The following FNDC1 variants were observed in gnomAD, a reference collection of about 807,000 sequenced individuals.
The protein encoded by FNDC1 is fibronectin type III domain-containing protein 1.
In FNDC1, 96 loss-of-function variants were observed where a neutral mutation model predicts 168.0. The observed-to-expected ratio is 0.57, with a 90% CI of 0.48 to 0.68. FNDC1 has a LOEUF of 0.68. Ranked by LOEUF, FNDC1 falls within the 30% of genes least tolerant of loss-of-function variation. The pLI is 0.00. For synonymous variants in FNDC1, 1,099 were observed against 1,025.9 expected (o/e 1.07, Z -1.36); for missense variants, 2,587 against 2,482.1 (o/e 1.04, Z -0.90).
At chr6:159,269,334 T>C (rs1450137493) in intron 22 of FNDC1, among the ~76,000 whole-genome samples, 1 of 103,362 alleles carries the variant, frequency 9.7e-6, no homozygotes, top group African/African-American at 2.8e-5. Context: ...ACTATCTATC[T>C]ATCTATCTAT....
In FNDC1 at chr6:159,232,157, C is replaced by T. The variant is rs760115838; in HGVS notation, c.1645C>T (p.Arg549Trp). The change falls in exon 11 of 23, where the codon CGG (arginine) becomes TGG (tryptophan). Residue 549 changes from arginine (R) to tryptophan (W), a missense_variant. Transcript: ENST00000297267. This position sits in a 1 kb window ranked among gnomAD's most constrained non-coding sequence, Gnocchi z 4.9. ...CACTGGGGAGGAGGAGCTGGGTTCC[C>T]GGGAGGACTCGCCCATGTCACCCTC... ...EITGEEELGS[R>W]EDSPMSPSDT... is the part of the protein sequence containing the mutation. The T allele has an allele frequency of 5.6e-6, 9 of 1,613,742 alleles. No homozygotes were observed. Among genetic ancestry groups the T allele is most frequent in the East Asian group, 2.2e-5 (1 of 44,876 alleles).
At chr6:159,197,650 C>G (rs1246832000) in intron 2 of FNDC1, 25 bp downstream of exon 2, 1 of 1,584,108 alleles carries the variant, frequency 6.3e-7, no homozygotes, top group East Asian at 2.3e-5. Flanking sequence ...GATCTTGTTC[C>G]CAGTCAGAAT....
chr6:159,208,998 C>A (rs1196684486), intron 4 of FNDC1, among the ~76,000 whole-genome samples: 3 of 151,994 alleles, frequency 2.0e-5, no homozygotes, highest in Middle Eastern at 6.3e-3. Flanking sequence ...CAGGTGCATG[C>A]CACCACGCCC....
In FNDC1 at chr6:159,239,782, G is replaced by T; in HGVS notation, c.4446G>T (p.Thr1482=). Residue 1482 remains threonine, a synonymous_variant, in exon 14 of 23, where the codon ACG becomes ACT. Coordinates refer to ENST00000297267, the MANE Select transcript of FNDC1 (RefSeq NM_032532.3). ...TTRRTTTTRR[T]TTRRPTTTVR... is the part of the protein sequence containing the mutation. ...GCCGCACGACCACCACCCGCCGCAC[G>T]ACCACCAGGCGTCCAACAACCACAG... 4 of 1,458,498 alleles carry T rather than the reference G, an allele frequency of 2.7e-6. No individual in the cohort carries two copies. The highest frequency in any genetic ancestry group is 3.6e-6 in the Non-Finnish European group (4 of 1,101,796). 90.3% of individuals were successfully genotyped at this position (1,458,498 alleles called of 1,614,324 possible).
chr6:159,201,459 T>C (rs529784221), intron 4 of FNDC1, among the ~76,000 whole-genome samples: 4 of 152,350 alleles, frequency 2.6e-5, no homozygotes, highest in East Asian at 1.9e-4. Flanking sequence ...CTAAGTGTTC[T>C]TGTTTGAATG....
At chr6:159,240,684 T>G (rs1405991033) in intron 14 of FNDC1, 1 of 152,256 alleles carries the variant, frequency 6.6e-6, no homozygotes, top group Non-Finnish European at 1.5e-5. Context: ...TTGTTCTCCC[T>G]GAAGAGCAGG....
rs1001384189 is a variant in FNDC1, at chr6:159,253,181, G to A, written c.5065+1649G>A. ...CTCACGACACTAGCATAAATAATAT[G>A]GATGAGGTGTTTATAAGGCACTCCC... On this transcript the variant is annotated intron_variant, in intron 17 of 22. Transcript: ENST00000297267. Among the ~76,000 whole-genome samples the A allele has an allele frequency of 2.6e-5, 4 of 152,268 alleles. No homozygotes were observed. The South Asian group carries it at 6.2e-4, about 24-fold the overall frequency.
chr6:159,234,165 GCCT>G lies in FNDC1; in HGVS notation c.3655_3657del (p.Leu1219del). 1 of 1,598,622 alleles carries G rather than the reference GCCT, an allele frequency of 6.3e-7. No individual in the cohort carries two copies. The highest frequency in any genetic ancestry group is 8.5e-7 in the Non-Finnish European group (1 of 1,173,196). On this transcript the variant is annotated inframe_deletion, in exon 11 of 23. Coordinates refer to ENST00000297267, the MANE Select transcript of FNDC1 (RefSeq NM_032532.3). ...AGGGGCGGCAAAGACGCCGATGGGA[GCCT>G]CGCCAAGGAAGAGAGGGAGCCTGCC...
chr6:159,227,640 C>CT (rs1209585889), intron 9 of FNDC1, among the ~76,000 whole-genome samples: 29 of 118,098 alleles, frequency 2.5e-4, no homozygotes, highest in African/African-American at 1.2e-3. Context: ...TACTATTCTT[C>CT]TTTCTCTTTT....
At position 159,233,813 on chromosome 6, in the gene FNDC1, A is replaced by G. The variant is rs1322888539; in HGVS notation, c.3301A>G (p.Lys1101Glu). ...GGCCCCCGCGCACGCCGCGCGCGCC[A>G]AGGAGGCAGCTGCGTCCCTTCCCAA... is the stretch of plus-strand genomic sequence containing the variant. Reference protein sequence around the residue: ...VRAPAHAARAKEAAASLPKHQ... With the variant: ...VRAPAHAARAEEAAASLPKHQ... Residue 1101 changes from lysine (K) to glutamate (E), a missense_variant, in exon 11 of 23, where the codon AAG becomes GAG. By Grantham distance (56) the Lys-to-Glu change is moderately conservative (BLOSUM62 1). Coordinates refer to ENST00000297267, the MANE Select transcript of FNDC1 (RefSeq NM_032532.3). This position sits in a 1 kb window ranked among gnomAD's most constrained non-coding sequence, Gnocchi z 4.6. 6.5e-7 allele frequency: 1 copy of G among 1,539,278 alleles called. No individual in the cohort carries two copies. The highest frequency in any genetic ancestry group is 8.8e-7 in the Non-Finnish European group (1 of 1,142,052).
chr6:159,259,132 C>A (rs1017189863), intron 18 of FNDC1, among the ~76,000 whole-genome samples: 1 of 152,096 alleles, frequency 6.6e-6, no homozygotes, highest in Non-Finnish European at 1.5e-5. Flanking sequence ...TATAAGAAGG[C>A]GAGGCATGGA....
rs1310435800 is a variant in FNDC1 at position 159,169,637 on chromosome 6, G to C, written c.41G>C (p.Arg14Pro). ...EAGATLRAPRRLSWAALLLLA... is the reference protein window; with the variant it reads ...EAGATLRAPRPLSWAALLLLA... The stretch of plus-strand genomic sequence containing the variant: ...GGGGCGACCCTGCGCGCGCCGCGCC[G>C]GCTGTCCTGGGCGGCGCTGCTGCTC... Residue 14 changes from arginine to proline, a missense_variant, in exon 1 of 23, where the codon CGG becomes CCG. Coordinates refer to ENST00000297267, the MANE Select transcript of FNDC1 (RefSeq NM_032532.3). This position sits in a 1 kb window ranked among gnomAD's most constrained non-coding sequence, Gnocchi z 6.8. The C allele has an allele frequency of 5.2e-6, 6 of 1,148,030 alleles. No individual in the cohort carries two copies. The highest frequency in any genetic ancestry group is 6.4e-6 in the Non-Finnish European group (6 of 935,202). 71.1% of individuals were successfully genotyped at this position (1,148,030 alleles called of 1,614,324 possible).
chr6:159,186,931 T>G (rs1045310188), intron 1 of FNDC1, among the ~76,000 whole-genome samples: 7 of 152,260 alleles, frequency 4.6e-5, no homozygotes, highest in Non-Finnish European at 1.0e-4. Context: ...TTGGCATGCA[T>G]GCATGAAAGT....
At chr6:159,269,324 A>T (rs375702210) in intron 22 of FNDC1, among the ~76,000 whole-genome samples, 4,501 of 39,730 alleles carry the variant, frequency 0.11, 826 homozygotes, top group Middle Eastern at 0.25. Context: ...TATTTATCTA[A>T]CTATCTATCT....
chr6:159,251,292 T>C lies in FNDC1; in HGVS notation c.4835-10T>C. ...CAGCAATCCAATTGGTTATCTCTGT[T>C]CTTTTCCAGCTCCTTACGTGACGTA... On this transcript the variant is annotated splice_polypyrimidine_tract_variant and intron_variant, in intron 16 of 22. Transcript: ENST00000297267. The C allele has an allele frequency of 6.2e-7, 1 of 1,607,636 alleles. No individual in the cohort carries two copies.
intron 1 of FNDC1, among the ~76,000 whole-genome samples, chr6:159,187,980 G>A (rs1249482249): frequency 6.6e-6 from 1 of 152,052 alleles, no homozygotes; most frequent in Non-Finnish European, 1.5e-5. Flanking sequence ...ACCTTTTCTG[G>A]CTGATTATCT....
At chr6:159,175,640 T>C (rs530375902) in intron 1 of FNDC1, among the ~76,000 whole-genome samples, 52 of 152,208 alleles carry the variant, frequency 3.4e-4, no homozygotes, top group Non-Finnish European at 4.6e-4. Flanking sequence ...GTAGCCTCTG[T>C]TACAAGATGG....
chr6:159,225,199 A>T (rs1782925363), intron 7 of FNDC1, among the ~76,000 whole-genome samples: 1 of 108,342 alleles, frequency 9.2e-6, no homozygotes, highest in African/African-American at 3.4e-5. Context: ...ACACACGCAC[A>T]GTCACACACA....
At chr6:159,222,447 C>T (rs1782848000) in intron 6 of FNDC1, among the ~76,000 whole-genome samples, 1 of 152,174 alleles carries the variant, frequency 6.6e-6, no homozygotes, top group South Asian at 2.1e-4. Flanking sequence ...TCACCTTCCC[C>T]TGCTGGTGGT....
Sources: allele counts gnomAD v4.1 joint callset (sites outside exome capture counted in the v4.1 genomes callset), GRCh38; gene constraint gnomAD v4.1.1; non-coding constraint Gnocchi (gnomAD v3.1); transcripts MANE v1.5; gene names NCBI Gene and HGNC (gene_info 2026-07-23, HGNC 2026-07-21).